SPIDR: variants seen among roughly 807,000 people sequenced by gnomAD.
SPIDR encodes the protein scaffold protein involved in DNA repair.
Under a neutral mutation model 104.6 loss-of-function variants are expected in SPIDR, and 93 were observed. The observed-to-expected ratio is 0.89, with a 90% CI of 0.75 to 1.06. The LOEUF is 1.06. Among genes scored for constraint, SPIDR ranks in the 50% least tolerant of loss-of-function variants. The pLI, the probability that SPIDR is intolerant of heterozygous loss-of-function variation, is 0.00. For synonymous variants in SPIDR, 431 were observed against 416.9 expected (o/e 1.03, Z -0.41); for missense variants, 1,154 against 1,111.2 (o/e 1.04, Z -0.55).
At chr8:47,569,416 A>G (rs73567576) in intron 8 of SPIDR, among the ~76,000 whole-genome samples, 5,427 of 152,238 alleles carry the variant, frequency 0.036, 270 homozygotes, top group African/African-American at 0.12. Context: ...AAAGCAATTA[A>G]ACCTAACAGA....
intron 8 of SPIDR, chr8:47,547,319 T>TG (rs1279218187): frequency 1.9e-6 from 1 of 539,658 alleles, no homozygotes; most frequent in Non-Finnish European, 3.7e-6. Context: ...ATCTAGTCAA[T>TG]GCCCATGACA....
At chr8:47,426,802 A>G (rs1335678698) in intron 7 of SPIDR, among the ~76,000 whole-genome samples, 3 of 152,240 alleles carry the variant, frequency 2.0e-5, no homozygotes, top group Non-Finnish European at 4.4e-5. Flanking sequence ...TGATAATGAC[A>G]TTAATCCATA....
rs768303447 is a variant in SPIDR at position 47,712,877 on chromosome 8, G to A, written c.2188+5G>A. The A allele has an allele frequency of 1.2e-5, 20 of 1,613,730 alleles. No individual in the cohort carries two copies. The Admixed American group carries it at 3.3e-4, about 27-fold the overall frequency. Reference sequence around the variant, plus strand: ...AGGACGCTCTCCGTGACCAGGGTGTGCTTGCGTCTCCACAGCTTTGATGCA... The same window carrying A: ...AGGACGCTCTCCGTGACCAGGGTGTACTTGCGTCTCCACAGCTTTGATGCA... On this transcript the variant is annotated splice_donor_5th_base_variant and intron_variant, in intron 15 of 19. Coordinates refer to ENST00000297423, the MANE Select transcript of SPIDR (RefSeq NM_001080394.4).
intron 11 of SPIDR, among the ~76,000 whole-genome samples, chr8:47,686,707 A>G (rs1012977422): frequency 6.6e-6 from 1 of 152,114 alleles, no homozygotes; most frequent in Non-Finnish European, 1.5e-5. Context: ...GTTTTAGGGG[A>G]ATTCATTTCT....
At chr8:47,384,802 C>T (rs2059703368) in intron 5 of SPIDR, among the ~76,000 whole-genome samples, 1 of 152,020 alleles carries the variant, frequency 6.6e-6, no homozygotes, top group Admixed American at 6.6e-5. Flanking sequence ...AGTCAGTGGC[C>T]ACTGATATAT....
intron 10 of SPIDR, among the ~76,000 whole-genome samples, chr8:47,669,944 G>A (rs2075574678): frequency 6.6e-6 from 1 of 152,186 alleles, no homozygotes; most frequent in African/African-American, 2.4e-5. Context: ...AGGTTGCAGT[G>A]GGTCGAGATT....
chr8:47,718,965 A>G (rs10100846), intron 16 of SPIDR, among the ~76,000 whole-genome samples: 59 of 152,010 alleles, frequency 3.9e-4, no homozygotes, highest in Admixed American at 1.1e-3. Context: ...AAAGTTGGAA[A>G]CCCTCACAGG....
rs868037497 is a variant in SPIDR, at chr8:47,530,559, G to A, written c.1098-65252G>A. 3.9e-5 allele frequency among the ~76,000 whole-genome samples: 6 copies of A among 152,274 alleles called. No individual in the cohort carries two copies. In the South Asian group the frequency reaches 6.2e-4, roughly 16 times the overall value. On this transcript the variant is annotated intron_variant, in intron 8 of 19. Transcript: ENST00000297423. ...GTTAAAAATGGTGCCCCTCTATAGG[G>A]CACTTACCTGTCTGTAATGGAGCTT...
chr8:47,532,286 C>T (rs2086153260), intron 8 of SPIDR, among the ~76,000 whole-genome samples: 1 of 152,080 alleles, frequency 6.6e-6, no homozygotes, highest in Non-Finnish European at 1.5e-5. Flanking sequence ...TCAGGCTGGT[C>T]TCGAACTCCC....
intron 11 of SPIDR, among the ~76,000 whole-genome samples, chr8:47,699,529 T>G (rs2079843526): frequency 6.6e-6 from 1 of 152,162 alleles, no homozygotes; most frequent in Non-Finnish European, 1.5e-5. Flanking sequence ...GTTTGTCCTT[T>G]TGTGTCCCTC....
chr8:47,454,341 G>A (rs1283625223), intron 8 of SPIDR, among the ~76,000 whole-genome samples: 1 of 152,078 alleles, frequency 6.6e-6, no homozygotes, highest in African/African-American at 2.4e-5. Flanking sequence ...TATGAATGAA[G>A]CTGGAAGCCA....
At chr8:47,610,555 T>G (rs1250842566) in intron 10 of SPIDR, among the ~76,000 whole-genome samples, 1 of 152,258 alleles carries the variant, frequency 6.6e-6, no homozygotes, top group East Asian at 1.9e-4. Context: ...CTCTCCCAGC[T>G]GCTGCTAGAC....
At chr8:47,509,803 A>G (rs1173027087) in intron 8 of SPIDR, among the ~76,000 whole-genome samples, 1 of 152,176 alleles carries the variant, frequency 6.6e-6, no homozygotes, top group Non-Finnish European at 1.5e-5. Flanking sequence ...CTTTTGTTAC[A>G]ACACAAATAC....
Position 47,595,843 on chromosome 8 carries a change from C to G in SPIDR, c.1130C>G (p.Pro377Arg). ...QKLIIPSGSC[P>R]VILNTYFCEK... ...CTGATTATTCCAAGTGGAAGTTGCC[C>G]TGTTATTCTGAATACTTACTTTTGT... The change falls in exon 9 of 20, where the codon CCT becomes CGT. Residue 377 changes from proline (P) to arginine (R), a missense_variant. Physicochemically the swap from Pro to Arg is moderately radical, Grantham distance 103. Coordinates refer to ENST00000297423, the MANE Select transcript of SPIDR (RefSeq NM_001080394.4). 1 of 1,614,136 alleles carries G rather than the reference C, an allele frequency of 6.2e-7. No homozygotes were observed. Among genetic ancestry groups the G allele is most frequent in the Admixed American group, 1.7e-5 (1 of 59,988 alleles).
intron 5 of SPIDR, among the ~76,000 whole-genome samples, chr8:47,372,230 G>A (rs1422350621): frequency 3.9e-5 from 6 of 152,044 alleles, no homozygotes; most frequent in Non-Finnish European, 8.8e-5. Flanking sequence ...TTTATTTATC[G>A]TTTGTCCCCA....
At chr8:47,654,194 G>C in intron 10 of SPIDR, 1 of 1,283,944 alleles carries the variant, frequency 7.8e-7, no homozygotes, top group Non-Finnish European at 1.0e-6. Flanking sequence ...GAGCACTGTA[G>C]CAGCAACCTG....
chr8:47,628,694 A>C (rs1179734089), intron 10 of SPIDR, among the ~76,000 whole-genome samples: 1 of 152,216 alleles, frequency 6.6e-6, no homozygotes, highest in Non-Finnish European at 1.5e-5. Context: ...CAAATCTGAA[A>C]AAAAACTCCT....
chr8:47,727,321 C>T (rs1264807217), intron 17 of SPIDR, 28 bp downstream of exon 17: 1 of 1,607,582 alleles, frequency 6.2e-7, no homozygotes, highest in South Asian at 1.1e-5. Flanking sequence ...GTCCTGAAAG[C>T]CCTAGAACTG....
intron 10 of SPIDR, among the ~76,000 whole-genome samples, chr8:47,658,920 G>A (rs2073493100): frequency 7.2e-6 from 1 of 139,838 alleles, no homozygotes; most frequent in South Asian, 2.4e-4. Flanking sequence ...TGATCAACAA[G>A]AGCAAAACTC....
Sources: allele counts gnomAD v4.1 joint callset (sites outside exome capture counted in the v4.1 genomes callset), GRCh38; gene constraint gnomAD v4.1.1; transcripts MANE v1.5; gene names NCBI Gene and HGNC (gene_info 2026-07-23, HGNC 2026-07-21).